The following DMD variants were observed in gnomAD, a reference collection of about 807,000 sequenced individuals.
DMD encodes the protein dystrophin.
A neutral mutation model predicts 330.1 loss-of-function variants in DMD; 63 were observed. The observed-to-expected ratio is 0.19, with a 90% CI of 0.16 to 0.24. DMD has a LOEUF of 0.24. DMD is among the 10% of genes least tolerant of loss of function. DMD has a pLI of 1.00. For synonymous variants in DMD, 1,223 were observed against 959.8 expected (o/e 1.27, Z -5.07); for missense variants, 3,344 against 2,684.1 (o/e 1.25, Z -5.43).
intron 2 of DMD, among the ~76,000 whole-genome samples, chrX:32,908,229 C>A (rs185139127): frequency 9.0e-6 from 1 of 111,302 alleles, no homozygotes; most frequent in Non-Finnish European, 1.9e-5. Context: ...CATCATCAAA[C>A]GGTATTATAA....
At chrX:32,068,554 G>T (rs956595020) in intron 44 of DMD, among the ~76,000 whole-genome samples, 2 of 109,387 alleles carry the variant, frequency 1.8e-5, no homozygotes, top group Non-Finnish European at 3.8e-5. Flanking sequence ...CTTTGTCGAC[G>T]AACAGTTGGC....
At chrX:32,008,468 A>G (rs1313351922) in intron 44 of DMD, among the ~76,000 whole-genome samples, 1 of 111,441 alleles carries the variant, frequency 9.0e-6, no homozygotes, top group African/African-American at 3.3e-5. Context: ...GGATCATAGG[A>G]TTAAAAAAAA....
rs2097271602 is a variant in DMD, at chrX:32,252,693, TATAA to T, written c.6290+34832_6290+34835del. Among the ~76,000 whole-genome samples the T allele has an allele frequency of 4.3e-5, 2 of 46,450 alleles. 1 individual carries two copies. The highest frequency in any genetic ancestry group is 1.2e-3 in the East Asian group (2 of 1,711). 40.3% of individuals were successfully genotyped at this position (46,450 alleles called of 115,157 possible). A position where few individuals can be genotyped will look rare whatever the true frequency, so the allele number is the denominator to read the frequency against. ...ATATATATAAATATATAAATATATA[TATAA>T]ATATATATAAATATATAAATATATA... On this transcript the variant is annotated intron_variant, in intron 43 of 78. Coordinates refer to ENST00000357033, the MANE Select transcript of DMD (RefSeq NM_004006.3).
intron 51 of DMD, among the ~76,000 whole-genome samples, chrX:31,763,961 G>A (rs1042121503): frequency 1.8e-5 from 2 of 111,001 alleles, no homozygotes; most frequent in Non-Finnish European, 3.8e-5. Flanking sequence ...CTGCAGCCTC[G>A]AACTCCTGGG....
intron 44 of DMD, among the ~76,000 whole-genome samples, chrX:32,148,736 T>C (rs1043958503): frequency 9.0e-6 from 1 of 111,674 alleles, no homozygotes; most frequent in African/African-American, 3.2e-5. Flanking sequence ...GCTAACTAAG[T>C]ACAGTTTCTA....
chrX:32,599,781 AT>A (rs1179009209), intron 12 of DMD, among the ~76,000 whole-genome samples: 4 of 112,113 alleles, frequency 3.6e-5, no homozygotes, highest in African/African-American at 1.3e-4. Context: ...TATTTTCATT[AT>A]TTTATTAAAG....
intron 51 of DMD, among the ~76,000 whole-genome samples, chrX:31,771,072 T>A: frequency 9.0e-6 from 1 of 111,580 alleles, no homozygotes; most frequent in Non-Finnish European, 1.9e-5. Context: ...TTTTCACACA[T>A]CAAACATTAA....
intron 47 of DMD, among the ~76,000 whole-genome samples, chrX:31,921,737 C>T (rs1271794870): frequency 2.7e-5 from 3 of 112,131 alleles, no homozygotes; most frequent in African/African-American, 9.7e-5. Context: ...GGGGAAGTGT[C>T]TTCTTTTAGT....
At chrX:31,351,780 G>C (rs1445225730) in intron 60 of DMD, among the ~76,000 whole-genome samples, 1 of 105,630 alleles carries the variant, frequency 9.5e-6, no homozygotes, top group Non-Finnish European at 1.9e-5. Context: ...AATGTGCAGG[G>C]CACCACATAC....
chrX:32,295,287 C>T (rs1379479234), intron 42 of DMD, among the ~76,000 whole-genome samples: 3 of 111,917 alleles, frequency 2.7e-5, no homozygotes, highest in African/African-American at 9.7e-5. Context: ...CTCTGATTCA[C>T]AGTCTCCAAT....
At chrX:32,218,491 C>A (rs926470105) in intron 43 of DMD, among the ~76,000 whole-genome samples, 2 of 111,738 alleles carry the variant, frequency 1.8e-5, no homozygotes, top group East Asian at 5.7e-4. Context: ...TCTTAAGAAG[C>A]AATGGATCAT....
chrX:32,590,105 C>A (rs1037761512), intron 13 of DMD, among the ~76,000 whole-genome samples: 1 of 112,098 alleles, frequency 8.9e-6, no homozygotes, highest in Admixed American at 9.5e-5. Flanking sequence ...CTTAATACTA[C>A]CACAAAGTAT....
intron 1 of DMD, among the ~76,000 whole-genome samples, chrX:33,300,299 T>C (rs1450201741): frequency 2.7e-5 from 3 of 112,602 alleles, no homozygotes; most frequent in East Asian, 2.8e-4. Context: ...AAAGCCATCA[T>C]TGGCAAAGGC....
chrX:31,638,089 T>G (rs2079520207), intron 54 of DMD, among the ~76,000 whole-genome samples: 1 of 112,068 alleles, frequency 8.9e-6, no homozygotes, highest in African/African-American at 3.2e-5. Context: ...TTCTGAATTT[T>G]CAAAATGAGT....
intron 19 of DMD, among the ~76,000 whole-genome samples, chrX:32,496,344 T>C: frequency 1.8e-5 from 2 of 111,902 alleles, no homozygotes; most frequent in East Asian, 5.6e-4. Flanking sequence ...CATTTAGCAT[T>C]CAATGTAATA....
intron 7 of DMD, among the ~76,000 whole-genome samples, chrX:32,773,861 T>TTC (rs1326974668): frequency 1.8e-5 from 2 of 112,087 alleles, no homozygotes; most frequent in Non-Finnish European, 3.8e-5. Context: ...CCTATCCATA[T>TTC]TCTGTCTGAC....
At chrX:33,005,297 C>CACGCAT (rs1557201282) in intron 2 of DMD, among the ~76,000 whole-genome samples, 7 of 104,071 alleles carry the variant, frequency 6.7e-5, no homozygotes, top group Non-Finnish European at 9.8e-5. Flanking sequence ...CACACACACG[C>CACGCAT]ATATATATAT....
At chrX:32,094,667 T>C (rs766829060) in intron 44 of DMD, among the ~76,000 whole-genome samples, 1 of 112,098 alleles carries the variant, frequency 8.9e-6, no homozygotes, top group South Asian at 3.7e-4. Context: ...TATTCAGATG[T>C]GCAGGAAAGA....
intron 1 of DMD, among the ~76,000 whole-genome samples, chrX:33,107,476 G>T (rs1396362773): frequency 9.0e-6 from 1 of 110,670 alleles, no homozygotes; most frequent in Non-Finnish European, 1.9e-5. Flanking sequence ...AAAAAAATAG[G>T]ATAGGGCACT....
Sources: allele counts gnomAD v4.1 joint callset (sites outside exome capture counted in the v4.1 genomes callset), GRCh38; gene constraint gnomAD v4.1.1; transcripts MANE v1.5; gene names NCBI Gene and HGNC (gene_info 2026-07-23, HGNC 2026-07-21).